Variants in TOGARAM2 observed in about 807,000 individuals in gnomAD.
TOGARAM2 encodes TOG array regulator of axonemal microtubules protein 2.
In TOGARAM2, 85 loss-of-function variants were observed where a neutral mutation model predicts 93.3. That is an observed-to-expected ratio of 0.91 (90% CI 0.76 to 1.09). The LOEUF is 1.09. Among genes scored for constraint, TOGARAM2 ranks in the 50% least tolerant of loss-of-function variants. TOGARAM2 has a pLI of 0.00. For synonymous variants in TOGARAM2, 593 were observed against 552.8 expected (o/e 1.07, Z -1.02); for missense variants, 1,277 against 1,334.5 (o/e 0.96, Z 0.67).
chr2:29,016,287 C>T (rs891481438), intron 8 of TOGARAM2, among the ~76,000 whole-genome samples: 1 of 152,138 alleles, frequency 6.6e-6, no homozygotes, highest in Non-Finnish European at 1.5e-5. Flanking sequence ...TCCCCATCGC[C>T]GTCCAAGCCC....
chr2:28,999,531 C>A, intron 4 of TOGARAM2, 63 bp downstream of exon 4: 1 of 1,495,836 alleles, frequency 6.7e-7, no homozygotes, highest in Non-Finnish European at 8.9e-7. Context: ...CGCAGGCCTC[C>A]AGGGCTGTGA....
intron 2 of TOGARAM2, among the ~76,000 whole-genome samples, chr2:28,996,576 C>A (rs1324988687): frequency 1.3e-5 from 2 of 152,024 alleles, no homozygotes; most frequent in Admixed American, 1.3e-4. Flanking sequence ...AATCCTAGCA[C>A]TTTGGGAGGC....
chr2:28,961,348 T>C (rs1671802673), intron 1 of TOGARAM2, among the ~76,000 whole-genome samples: 1 of 152,138 alleles, frequency 6.6e-6, no homozygotes, highest in Admixed American at 6.5e-5. Flanking sequence ...TAATTTTTAA[T>C]TTTTTTGGAG....
chr2:29,025,003 A>C (rs1665254513), intron 13 of TOGARAM2, among the ~76,000 whole-genome samples: 1 of 152,134 alleles, frequency 6.6e-6, no homozygotes, highest in African/African-American at 2.4e-5. Flanking sequence ...GCAAAACCAA[A>C]AGCATTTCCC....
upstream of TOGARAM2, among the ~76,000 whole-genome samples, chr2:28,980,903 A>G (rs1278771090): frequency 6.6e-6 from 1 of 152,212 alleles, no homozygotes; most frequent in African/African-American, 2.4e-5. Context: ...TTCTGACCAG[A>G]GGGCACACAG....
intron 13 of TOGARAM2, among the ~76,000 whole-genome samples, chr2:29,026,101 G>A (rs765671903): frequency 3.9e-5 from 6 of 152,136 alleles, no homozygotes; most frequent in Non-Finnish European, 5.9e-5. Context: ...CATCCCTTCC[G>A]TCAAGCCAAG....
chr2:29,019,397 C>T (rs556901609), intron 10 of TOGARAM2, among the ~76,000 whole-genome samples: 2 of 152,046 alleles, frequency 1.3e-5, no homozygotes, highest in South Asian at 2.1e-4. Context: ...CTCGAACTCT[C>T]GACCTCAAGT....
intron 13 of TOGARAM2, 114 bp downstream of exon 13, chr2:29,024,488 CAGGCAAGTG>C (rs1185503379): frequency 6.3e-6 from 5 of 797,254 alleles, no homozygotes; most frequent in Non-Finnish European, 1.0e-5. Context: ...GGGAGGGAAG[CAGGCAAGTG>C]AGGCTGCAGG....
At chr2:29,029,718 T>C (rs1412202929) in intron 14 of TOGARAM2, among the ~76,000 whole-genome samples, 1 of 143,174 alleles carries the variant, frequency 7.0e-6, no homozygotes, top group East Asian at 2.0e-4. Flanking sequence ...ATCGCGCCAC[T>C]GCACTCCAGC....
Position 29,026,995 on chromosome 2 carries a change from T to C in TOGARAM2, c.1996T>C (p.Ser666Pro). 6.4e-7 allele frequency: 1 copy of C among 1,562,266 alleles called. No individual in the cohort carries two copies. Among genetic ancestry groups the C allele is most frequent in the Non-Finnish European group, 8.7e-7 (1 of 1,153,200 alleles). ...CAACCTGGTGAGGCTGGCACAGGAC[T>C]CCAACCAGGACACCAGGTAGGGCAG... ...VHNLVRLAQD[S>P]NQDTRFYGRK... Residue 666 changes from serine to proline, a missense_variant, in exon 14 of 20, where the codon TCC (serine) becomes CCC (proline). Ser to Pro is a moderately conservative substitution (Grantham distance 74). Coordinates refer to ENST00000379558, the MANE Select transcript of TOGARAM2 (RefSeq NM_199280.4).
At position 28,967,431 on chromosome 2, in the gene TOGARAM2, C is replaced by T. The variant is rs547979432; in HGVS notation, c.-147+10734C>T. ...TTGAGGCTGTAGTGAGCTGTGATCG[C>T]ACCACTGCACTCCTGCCTGGGTGAC... On this transcript the variant is annotated intron_variant, in intron 1 of 6. Coordinates refer to the TOGARAM2 transcript ENST00000401723. Among the ~76,000 whole-genome samples the T allele has an allele frequency of 5.3e-5, 8 of 152,206 alleles. No homozygotes were observed. In the South Asian group the frequency reaches 1.5e-3, roughly 28 times the overall value.
At chr2:29,047,386 T>A (rs1368096692) in intron 19 of TOGARAM2, 2 of 152,240 alleles carry the variant, frequency 1.3e-5, no homozygotes, top group African/African-American at 4.8e-5. Flanking sequence ...CTTACTGTAA[T>A]TTTTTCTTGT....
At chr2:29,001,511 T>A (rs527721142) in intron 4 of TOGARAM2, among the ~76,000 whole-genome samples, 123 of 152,024 alleles carry the variant, frequency 8.1e-4, no homozygotes, top group African/African-American at 2.9e-3. Flanking sequence ...AATCTTTTTT[T>A]TTTTTTTGAG....
At chr2:28,971,402 G>C (rs1671945179) in intron 1 of TOGARAM2, among the ~76,000 whole-genome samples, 1 of 151,992 alleles carries the variant, frequency 6.6e-6, no homozygotes, top group Non-Finnish European at 1.5e-5. Context: ...TGTAGAGATG[G>C]GGTCTCCCCG....
rs555567817 is a variant in TOGARAM2 at position 28,971,091 on chromosome 2, C to G, written c.-147+14394C>G. 4 of 152,360 alleles carry G rather than the reference C, an allele frequency of 2.6e-5. No homozygotes were observed. In the South Asian group the frequency reaches 8.3e-4, roughly 32 times the overall value. The allele number at this position is 152,360 out of a possible 1,614,324, so 9.4% of individuals were successfully genotyped here. Reference sequence around the variant, plus strand: ...GACTGGGACTTGTTGCTTTTGAGAGCTCCCCTGAAGCCTGGCTCCTCAGGT... The same window carrying G: ...GACTGGGACTTGTTGCTTTTGAGAGGTCCCCTGAAGCCTGGCTCCTCAGGT... On this transcript the variant is annotated intron_variant, in intron 1 of 6. Coordinates refer to the TOGARAM2 transcript ENST00000401723.
chr2:29,004,695 C>T (rs539851091), intron 6 of TOGARAM2, among the ~76,000 whole-genome samples: 1 of 151,556 alleles, frequency 6.6e-6, no homozygotes, highest in Admixed American at 6.6e-5. Context: ...TATGTGAGTA[C>T]AAGAGTGTGT....
chr2:28,996,664 T>C lies in TOGARAM2; in HGVS notation c.29-1479T>C, dbSNP rs145032547. 6.0e-3 allele frequency among the ~76,000 whole-genome samples: 905 copies of C among 151,256 alleles called. 2 individuals carry two copies. The highest frequency in any genetic ancestry group is 0.011 in the African/African-American group (455 of 41,156). ...TGGTGAAACCCTGTCTCTATGAAAA[T>C]ACAAAAAAATTAGCTGGGCATGGTG... On this transcript the variant is annotated intron_variant, in intron 2 of 19. Coordinates refer to ENST00000379558, the MANE Select transcript of TOGARAM2 (RefSeq NM_199280.4).
intron 1 of TOGARAM2, among the ~76,000 whole-genome samples, chr2:28,961,072 G>A (rs964208779): frequency 6.6e-6 from 1 of 151,996 alleles, no homozygotes; most frequent in East Asian, 1.9e-4. Flanking sequence ...TGGCAGAGTT[G>A]GTGCAAAACT....
chr2:29,001,341 T>C (rs574124248), intron 4 of TOGARAM2, among the ~76,000 whole-genome samples: 1 of 124,376 alleles, frequency 8.0e-6, no homozygotes, highest in South Asian at 2.8e-4. Flanking sequence ...TGGTTTATTT[T>C]TTTTTAATTT....
Sources: gnomAD v4.1 joint callset for allele counts (sites outside exome capture counted in the v4.1 genomes callset) on GRCh38, gnomAD v4.1.1 for gene constraint, MANE v1.5 for transcripts, NCBI Gene and HGNC (gene_info 2026-07-23, HGNC 2026-07-21) for gene names.